Variants in ATP2A3 observed in about 807,000 individuals in gnomAD.
ATP2A3 encodes the protein sarcoplasmic/endoplasmic reticulum calcium ATPase 3.
ATP2A3 carries 61 observed loss-of-function variants against 106.8 expected under a neutral mutation model. That is an observed-to-expected ratio of 0.57 (90% CI 0.46 to 0.71). The LOEUF (loss-of-function observed/expected upper bound fraction) is 0.71. ATP2A3 is among the 30% of genes least tolerant of loss of function. The pLI is 0.00. For synonymous variants in ATP2A3, 611 were observed against 609.3 expected (o/e 1.00, Z -0.04); for missense variants, 1,201 against 1,423.5 (o/e 0.84, Z 2.52).
At position 3,928,964 on chromosome 17, in the gene ATP2A3, G is replaced by A. The variant is rs1282562359; in HGVS notation, c.2863-184C>T. ...CCCCCCGATCTTTGTCTGTTCAGCT[G>A]CACCCCCCAATCTTTGTCCGCTCAG... is the stretch of plus-strand genomic sequence containing the variant. On this transcript the variant is annotated intron_variant, in intron 19 of 20. Coordinates refer to ENST00000397041, the MANE Select transcript of ATP2A3 (RefSeq NM_005173.4). This position sits in a 1 kb window ranked among gnomAD's most constrained non-coding sequence, Gnocchi z 6.1. Among the ~76,000 whole-genome samples, 2 of 145,956 alleles carry A rather than the reference G, an allele frequency of 1.4e-5. No individual in the cohort carries two copies. The highest frequency in any genetic ancestry group is 3.0e-5 in the Non-Finnish European group (2 of 67,512).
At chr17:3,957,967 T>A (rs1245271354) in intron 1 of ATP2A3, among the ~76,000 whole-genome samples, 1 of 152,200 alleles carries the variant, frequency 6.6e-6, no homozygotes, top group Non-Finnish European at 1.5e-5. Flanking sequence ...GCCTGGCTCA[T>A]GTTGCCAGAC....
rs1486779683 is a variant in ATP2A3 at position 3,953,643 on chromosome 17, C to T, written c.136+50G>A. ...GAAGTCATGACCAGACAGAGAACGACCCAGGGATGCTGCCCGCGGCCTAGA... is the reference window on the plus strand; with the variant it reads ...GAAGTCATGACCAGACAGAGAACGATCCAGGGATGCTGCCCGCGGCCTAGA... On this transcript the variant is annotated intron_variant, in intron 2 of 20. Coordinates refer to ENST00000397041, the MANE Select transcript of ATP2A3 (RefSeq NM_005173.4). This position sits in a 1 kb window ranked among gnomAD's most constrained non-coding sequence, Gnocchi z 5.1. 6.4e-7 allele frequency: 1 copy of T among 1,556,550 alleles called. No homozygotes were observed. The highest frequency in any genetic ancestry group is 8.7e-7 in the Non-Finnish European group (1 of 1,149,594).
At chr17:3,933,927 CTTTTT>C (rs1213935068) in intron 17 of ATP2A3, among the ~76,000 whole-genome samples, 1 of 143,508 alleles carries the variant, frequency 7.0e-6, no homozygotes, top group South Asian at 2.2e-4. Flanking sequence ...CTTTTCTTTT[CTTTTT>C]TTCTTTTTTG....
At chr17:3,931,449 C>T (rs2053078810) in intron 17 of ATP2A3, among the ~76,000 whole-genome samples, 2 of 151,922 alleles carry the variant, frequency 1.3e-5, no homozygotes, top group African/African-American at 4.8e-5. Context: ...TGTTTCCAAC[C>T]GTTAACCAGC....
Position 3,937,523 on chromosome 17 carries a change from G to T in ATP2A3, c.2214C>A (p.Asp738Glu), listed in dbSNP as rs765579154. Residue 738 changes from aspartate to glutamate, a missense_variant, in exon 15 of 21, where the codon GAC (aspartate) becomes GAA (glutamate). Physicochemically the swap from Asp to Glu is conservative, Grantham distance 45. Around this residue, in one of 2 missense-constraint regions of ATP2A3, gnomAD observed 935 missense variants for 1,176.7 expected, o/e 0.79. Coordinates refer to ENST00000397041, the MANE Select transcript of ATP2A3 (RefSeq NM_005173.4). ...CCGCAGCCACGATGGAGGCAAAGTTGTCATCTGACAGCACCATCTCTGCCG... is the reference window on the plus strand; with the variant it reads ...CCGCAGCCACGATGGAGGCAAAGTTTTCATCTGACAGCACCATCTCTGCCG... ...KSAAEMVLSD[D>E]NFASIVAAVE... 1 of 1,614,204 alleles carries T rather than the reference G, an allele frequency of 6.2e-7. No homozygotes were observed. Among genetic ancestry groups the T allele is most frequent in the East Asian group, 2.2e-5 (1 of 44,880 alleles).
chr17:3,942,580 C>T (rs781370607), intron 12 of ATP2A3, 26 bp downstream of exon 12: 1 of 1,605,540 alleles, frequency 6.2e-7, no homozygotes, highest in Non-Finnish European at 8.5e-7. Flanking sequence ...CGCGCAGGGG[C>T]CCAGGCCAGC....
In ATP2A3 at chr17:3,936,420, G is replaced by A; in HGVS notation, c.2371C>T (p.Gln791Ter). 1 of 1,614,120 alleles carries A rather than the reference G, an allele frequency of 6.2e-7. No homozygotes were observed. The highest frequency in any genetic ancestry group is 8.5e-7 in the Non-Finnish European group (1 of 1,180,022). ...GTCACCAGGTTCACCCAGAGCAGCT[G>A]CACAGGGATCAGGGCTTCGGGCAGG... ...LGLPEALIPV[Q>*]LLWVNLVTDG... Residue 791 changes from glutamine to a stop codon, truncating the protein, a stop_gained, in exon 16 of 21, where the codon CAG (glutamine) becomes TAG (stop). Coordinates refer to ENST00000397041, the MANE Select transcript of ATP2A3 (RefSeq NM_005173.4). LOFTEE classifies it high-confidence loss of function. This position sits in a 1 kb window ranked among gnomAD's most constrained non-coding sequence, Gnocchi z 5.4.
At position 3,928,616 on chromosome 17, in the gene ATP2A3, G is replaced by C; in HGVS notation, c.2980+47C>G. 2 of 1,474,986 alleles carry C rather than the reference G, an allele frequency of 1.4e-6. No homozygotes were observed. The highest frequency in any genetic ancestry group is 1.9e-6 in the Non-Finnish European group (2 of 1,078,700). 91.4% of individuals were successfully genotyped at this position (1,474,986 alleles called of 1,614,324 possible). A position where few individuals can be genotyped will look rare whatever the true frequency, so the allele number is the denominator to read the frequency against. ...GCGTCCACTGCAGCCCAGGAGCAGAGGCGGGCGGGGAGGCAGGCTGGAGGC... is the reference window on the plus strand; with the variant it reads ...GCGTCCACTGCAGCCCAGGAGCAGACGCGGGCGGGGAGGCAGGCTGGAGGC... On this transcript the variant is annotated intron_variant, in intron 20 of 20. Transcript: ENST00000397041. The surrounding 1 kb of genome is among the most constrained non-coding windows in gnomAD (Gnocchi z 6.1).
At position 3,936,553 on chromosome 17, in the gene ATP2A3, G is replaced by GTC; in HGVS notation, c.2322-85_2322-84insGA. ...CCAGCTCCTGCTCAGACCCAAGGCT[G>GTC]GGAGCTCACCCACCCACTGTCTCCA... On this transcript the variant is annotated intron_variant, in intron 15 of 20. Transcript: ENST00000397041. The surrounding 1 kb of genome is among the most constrained non-coding windows in gnomAD (Gnocchi z 5.4). 6.8e-7 allele frequency: 1 copy of GTC among 1,463,966 alleles called. No individual in the cohort carries two copies. The highest frequency in any genetic ancestry group is 2.3e-5 in the East Asian group (1 of 43,684). 90.7% of individuals were successfully genotyped at this position (1,463,966 alleles called of 1,614,324 possible).
chr17:3,942,638 G>T lies in ATP2A3; in HGVS notation c.1513C>A (p.Pro505Thr), dbSNP rs761300488. 60 of 1,613,004 alleles carry T rather than the reference G, an allele frequency of 3.7e-5. 2 individuals are homozygous for T. In the South Asian group the frequency reaches 6.5e-4, roughly 17 times the overall value. Residue 505 changes from proline (P) to threonine (T), a missense_variant, in exon 12 of 21, where the codon CCT (proline) becomes ACT (threonine). Transcript: ENST00000397041. ...AACATCTTGCTGCCCTGGCCAGTAG[G>T]GTGAGGGCGGGTGGGCGTGCAGTAC... ...SVYCTPTRPH[P>T]TGQGSKMFVK...
At chr17:3,957,565 G>T (rs1231231640) in intron 1 of ATP2A3, among the ~76,000 whole-genome samples, 2 of 152,232 alleles carry the variant, frequency 1.3e-5, no homozygotes, top group Non-Finnish European at 1.5e-5. Context: ...GGTTTACGAG[G>T]CTCTGCCTGC....
At chr17:3,931,566 A>T (rs569606115) in intron 17 of ATP2A3, among the ~76,000 whole-genome samples, 2 of 148,484 alleles carry the variant, frequency 1.3e-5, no homozygotes, top group Admixed American at 1.4e-4. Flanking sequence ...CTGTCACCCG[A>T]GCTGGAGTGC....
In ATP2A3 at chr17:3,931,761, T is replaced by C. The variant is rs2053114101; in HGVS notation, c.2611-1327A>G. ...TGGTCTAGAACTCCTGACCTCGTGA[T>C]CCGCCCGCCTTGGCCTCCCAAAGTG... On this transcript the variant is annotated intron_variant, in intron 17 of 20. Transcript: ENST00000397041. Among the ~76,000 whole-genome samples, 9 of 152,292 alleles carry C rather than the reference T, an allele frequency of 5.9e-5. No individual in the cohort carries two copies. The South Asian group carries it at 1.9e-3, about 32-fold the overall frequency.
rs755820685 is a variant in ATP2A3 at position 3,950,721 on chromosome 17, C to T, written c.516G>A (p.Thr172=). The stretch of plus-strand genomic sequence containing the variant: ...TCAGGATGGACTGGTCCACTCGCAG[C>T]GTGGTGGACTTGATCTCGATGAGGC... The part of the protein sequence containing the change: ...DLRLIEIKST[T]LRVDQSILTG... The change falls in exon 6 of 21, where the codon ACG becomes ACA. Residue 172 remains threonine, a synonymous_variant. Transcript: ENST00000397041. 1.2e-6 allele frequency: 2 copies of T among 1,613,970 alleles called. No individual in the cohort carries two copies. The highest frequency in any genetic ancestry group is 1.7e-6 in the Non-Finnish European group (2 of 1,180,018).
In ATP2A3 at chr17:3,926,920, C is replaced by T. The variant is rs565069592; in HGVS notation, c.2981-1479G>A. ...CCTCCATGGTTGACACAGTCCGCAC[C>T]GTGCTTACACTCCTCCCGTGCTTCC... is the stretch of plus-strand genomic sequence containing the variant. On this transcript the variant is annotated intron_variant, in intron 20 of 20. Transcript: ENST00000397041. The surrounding 1 kb of genome is among the most constrained non-coding windows in gnomAD (Gnocchi z 4.6). 9.1e-6 allele frequency: 9 copies of T among 985,466 alleles called. No individual in the cohort carries two copies. Among genetic ancestry groups the T allele is most frequent in the Non-Finnish European group, 9.6e-6 (8 of 829,936 alleles). The allele number at this position is 985,466 out of a possible 1,614,324, so 61.0% of individuals were successfully genotyped here. A position where few individuals can be genotyped will look rare whatever the true frequency, so the allele number is the denominator to read the frequency against.
intron 1 of ATP2A3, among the ~76,000 whole-genome samples, chr17:3,961,776 G>A (rs2055151209): frequency 6.6e-6 from 1 of 152,188 alleles, no homozygotes. Context: ...CTTGGTGTCT[G>A]TGACCTCACT....
Position 3,930,497 on chromosome 17 carries a change from G to A in ATP2A3, c.2611-63C>T. 1 of 1,599,870 alleles carries A rather than the reference G, an allele frequency of 6.3e-7. No homozygotes were observed. The highest frequency in any genetic ancestry group is 8.5e-7 in the Non-Finnish European group (1 of 1,174,504). Reference sequence around the variant, plus strand: ...CAGGCGAGGGGCTGGTGGGTGGGAGGAGGGAAGCCTCATCCTGCCCTTGGC... The same window carrying A: ...CAGGCGAGGGGCTGGTGGGTGGGAGAAGGGAAGCCTCATCCTGCCCTTGGC... On this transcript the variant is annotated intron_variant, in intron 17 of 20. Transcript: ENST00000397041. This position sits in a 1 kb window ranked among gnomAD's most constrained non-coding sequence, Gnocchi z 5.4.
Position 3,953,375 on chromosome 17 carries a change from A to G in ATP2A3, c.191T>C (p.Ile64Thr). Residue 64 changes from isoleucine (I) to threonine (T), a missense_variant, in exon 3 of 21, where the codon ATC becomes ACC. Transcript: ENST00000397041. The surrounding 1 kb of genome is among the most constrained non-coding windows in gnomAD (Gnocchi z 5.1). ...GGAGACAAGGGCAGCCAGCAGCAGG[A>G]TGCGCACCAGGAGGTCCTCAAACTG... Reference protein sequence around the residue: ...LEQFEDLLVRILLLAALVSFV... With the variant: ...LEQFEDLLVRTLLLAALVSFV... 1.2e-6 allele frequency: 2 copies of G among 1,614,018 alleles called. No homozygotes were observed. Among genetic ancestry groups the G allele is most frequent in the Non-Finnish European group, 1.7e-6 (2 of 1,179,986 alleles).
In ATP2A3 at chr17:3,926,915, C is replaced by T. The variant is rs1370823453; in HGVS notation, c.2981-1474G>A. ...CCTGTCCTCCATGGTTGACACAGTC[C>T]GCACCGTGCTTACACTCCTCCCGTG... On this transcript the variant is annotated intron_variant, in intron 20 of 20. Coordinates refer to ENST00000397041, the MANE Select transcript of ATP2A3 (RefSeq NM_005173.4). This position sits in a 1 kb window ranked among gnomAD's most constrained non-coding sequence, Gnocchi z 4.6. 1.0e-5 allele frequency: 10 copies of T among 985,434 alleles called. No homozygotes were observed. The South Asian group carries it at 1.9e-4, about 19-fold the overall frequency. 61.0% of individuals were successfully genotyped at this position (985,434 alleles called of 1,614,324 possible). A position where few individuals can be genotyped will look rare whatever the true frequency, so the allele number is the denominator to read the frequency against.
Sources: gnomAD v4.1 joint callset for allele counts (sites outside exome capture counted in the v4.1 genomes callset) on GRCh38, gnomAD v4.1.1 for gene constraint, gnomAD v4.1.1 regional missense constraint, Gnocchi (gnomAD v3.1) non-coding constraint, MANE v1.5 for transcripts, NCBI Gene and HGNC (gene_info 2026-07-23, HGNC 2026-07-21) for gene names.